Variants in GHR observed in about 807,000 individuals in gnomAD.
The protein encoded by GHR is growth hormone receptor, also known as GH receptor.
Under a neutral mutation model 67.1 loss-of-function variants are expected in GHR, and 35 were observed. The observed-to-expected ratio is 0.52, with a 90% CI of 0.40 to 0.69. The LOEUF (loss-of-function observed/expected upper bound fraction) is 0.69, where lower values mean the gene tolerates loss of function less well. GHR is among the 30% of genes least tolerant of loss of function. GHR has a pLI of 0.00. For missense variants in GHR, 792 were observed against 764.6 expected (o/e 1.04, Z -0.42); for synonymous variants, 272 against 269.1 (o/e 1.01, Z -0.10).
intron 1 of GHR, among the ~76,000 whole-genome samples, chr5:42,488,728 G>T (rs755551898): frequency 6.6e-6 from 1 of 152,188 alleles, no homozygotes. Context: ...AAATTGCTCA[G>T]TTAGGGACTC....
intron 3 of GHR, among the ~76,000 whole-genome samples, chr5:42,649,495 AAG>A (rs1280741596): frequency 6.6e-6 from 1 of 152,216 alleles, no homozygotes; most frequent in East Asian, 1.9e-4. Flanking sequence ...TAATTATTAA[AAG>A]AGAAAATTAT....
chr5:42,714,680 C>A (rs1758636075), intron 8 of GHR, among the ~76,000 whole-genome samples: 1 of 152,174 alleles, frequency 6.6e-6, no homozygotes, highest in African/African-American at 2.4e-5. Flanking sequence ...TTGCACCTAA[C>A]TTTCTGGCAA....
chr5:42,710,979 A>G (rs1218896350), intron 6 of GHR, among the ~76,000 whole-genome samples: 6 of 152,196 alleles, frequency 3.9e-5, no homozygotes, highest in Admixed American at 1.3e-4. Context: ...AAGCAAGTCT[A>G]TCATATCTTT....
chr5:42,435,182 C>T (rs941751144), intron 1 of GHR, among the ~76,000 whole-genome samples: 29 of 151,960 alleles, frequency 1.9e-4, no homozygotes, highest in African/African-American at 6.5e-4. Context: ...CCCCAAACAA[C>T]GAAACTAGGG....
intron 1 of GHR, among the ~76,000 whole-genome samples, chr5:42,511,648 A>T (rs1272277710): frequency 6.6e-6 from 1 of 151,954 alleles, no homozygotes; most frequent in African/African-American, 2.4e-5. Flanking sequence ...ATTAGATAAT[A>T]ATTTGTCTTC....
At chr5:42,448,868 C>A (rs544046278) in intron 1 of GHR, among the ~76,000 whole-genome samples, 1 of 152,194 alleles carries the variant, frequency 6.6e-6, no homozygotes, top group Non-Finnish European at 1.5e-5. Context: ...CCAATTATCC[C>A]AGCACCATTT....
In GHR at chr5:42,616,742, G is replaced by A. The variant is rs533701958; in HGVS notation, c.71-12296G>A. On this transcript the variant is annotated intron_variant, in intron 2 of 9. Transcript: ENST00000230882. ...TGTAACAGGACAATATTTATGGGTC[G>A]GGCAGAGGAAAAGAAGCCAGTAAAG... 1.5e-4 allele frequency among the ~76,000 whole-genome samples: 23 copies of A among 151,968 alleles called. No homozygotes were observed. In the South Asian group the frequency reaches 4.6e-3, roughly 30 times the overall value.
chr5:42,452,530 C>T (rs1744092681), intron 1 of GHR, among the ~76,000 whole-genome samples: 1 of 152,044 alleles, frequency 6.6e-6, no homozygotes, highest in African/African-American at 2.4e-5. Flanking sequence ...TCAGGAACAC[C>T]ATTTATTCTT....
chr5:42,570,881 A>T (rs913329265), intron 2 of GHR, among the ~76,000 whole-genome samples: 2 of 152,184 alleles, frequency 1.3e-5, no homozygotes, highest in African/African-American at 4.8e-5. Flanking sequence ...AAAGGGATGA[A>T]TTAGAGGAGG....
chr5:42,678,933 A>T (rs942160648), intron 3 of GHR, among the ~76,000 whole-genome samples: 22 of 148,772 alleles, frequency 1.5e-4, no homozygotes, highest in African/African-American at 5.1e-4. Flanking sequence ...AAAACATTTA[A>T]AATATATTTA....
intron 3 of GHR, among the ~76,000 whole-genome samples, chr5:42,672,407 A>G (rs1328043883): frequency 6.6e-6 from 1 of 152,194 alleles, no homozygotes; most frequent in Non-Finnish European, 1.5e-5. Context: ...GCCACAAAAG[A>G]AATAAAGTAC....
chr5:42,532,931 A>G (rs1467939929), intron 1 of GHR, among the ~76,000 whole-genome samples: 2 of 152,282 alleles, frequency 1.3e-5, no homozygotes, highest in East Asian at 3.9e-4. Flanking sequence ...GGTGCATGTG[A>G]TAGAGTTCTT....
rs1758448186 is a variant in GHR, at chr5:42,711,324, G to A, written c.736G>A (p.Val246Met). The A allele has an allele frequency of 6.2e-7, 1 of 1,613,356 alleles. No individual in the cohort carries two copies. The change falls in exon 7 of 10, where the codon GTG becomes ATG. Residue 246 changes from valine (V) to methionine (M), a missense_variant. Coordinates refer to ENST00000230882, the MANE Select transcript of GHR (RefSeq NM_000163.5). The part of the protein sequence containing the change: ...NSGNYGEFSE[V>M]LYVTLPQMSQ... ...TGGAAATTATGGCGAGTTCAGTGAG[G>A]TGCTCTATGTAACACTTCCTCAGAT...
At chr5:42,474,399 C>T (rs1460653131) in intron 1 of GHR, among the ~76,000 whole-genome samples, 1 of 151,958 alleles carries the variant, frequency 6.6e-6, no homozygotes, top group African/African-American at 2.4e-5. Flanking sequence ...AAAGGCCCCT[C>T]TTCTGATTGT....
intron 1 of GHR, chr5:42,550,259 CT>C: frequency 6.4e-6 from 1 of 156,544 alleles, no homozygotes; most frequent in Non-Finnish European, 1.4e-5. Context: ...GCTCCGGGGG[CT>C]TAGACACATT....
intron 3 of GHR, among the ~76,000 whole-genome samples, chr5:42,675,325 T>G (rs1756517759): frequency 6.6e-6 from 1 of 152,174 alleles, no homozygotes; most frequent in South Asian, 2.1e-4. Context: ...CATATCCCCC[T>G]CTCTATCCAG....
intron 1 of GHR, among the ~76,000 whole-genome samples, chr5:42,433,954 A>G (rs767622131): frequency 8.6e-5 from 13 of 151,972 alleles, no homozygotes; most frequent in Non-Finnish European, 1.6e-4. Context: ...GGGTAGGGCT[A>G]TTGGAGTGGC....
In GHR at chr5:42,529,602, C is replaced by T. The variant is rs1579878099; in HGVS notation, c.-11-36262C>T. On this transcript the variant is annotated intron_variant, in intron 1 of 9. Transcript: ENST00000230882. The stretch of plus-strand genomic sequence containing the variant: ...TCTGTCTGGCCAGTTCTGGGTTTAA[C>T]GGCCTATATAAAAAGTAGATGTTAC... Among the ~76,000 whole-genome samples the T allele has an allele frequency of 3.9e-5, 6 of 152,104 alleles. No individual in the cohort carries two copies. The South Asian group carries it at 8.3e-4, about 21-fold the overall frequency.
At chr5:42,447,143 T>A (rs1561308081) in intron 1 of GHR, among the ~76,000 whole-genome samples, 1 of 152,240 alleles carries the variant, frequency 6.6e-6, no homozygotes, top group Non-Finnish European at 1.5e-5. Context: ...CTTATTTATT[T>A]TAAATTTTGT....
Sources: allele counts gnomAD v4.1 joint callset (sites outside exome capture counted in the v4.1 genomes callset), GRCh38; gene constraint gnomAD v4.1.1; transcripts MANE v1.5; gene names NCBI Gene and HGNC (gene_info 2026-07-23, HGNC 2026-07-21).